PRKN: variants seen among roughly 807,000 people sequenced by gnomAD.
PRKN encodes the protein E3 ubiquitin-protein ligase parkin.
A neutral mutation model predicts 59.5 loss-of-function variants in PRKN; 56 were observed. The ratio of observed to expected loss-of-function variants is 0.94; its 90% confidence interval spans 0.76 to 1.18. The LOEUF (loss-of-function observed/expected upper bound fraction) is 1.18, where lower values mean the gene tolerates loss of function less well. Ranked by LOEUF, PRKN falls within the 50% of genes most tolerant of loss-of-function variation. The pLI is 0.00. For synonymous variants in PRKN, 250 were observed against 222.1 expected (o/e 1.13, Z -1.12); for missense variants, 657 against 596.4 (o/e 1.10, Z -1.06).
In PRKN at chr6:161,468,306, A is replaced by T. The variant is rs1032557024; in HGVS notation, c.1083+80548T>A. 2.6e-5 allele frequency among the ~76,000 whole-genome samples: 4 copies of T among 152,154 alleles called. No individual in the cohort carries two copies. Among genetic ancestry groups the T allele is most frequent in the Non-Finnish European group, 4.4e-5 (3 of 68,028 alleles). ...TATACTTTAAAACAAAAACAAAAAAAAAACAGCCAAACCTAATCTTCAATC... is the reference window on the plus strand; with the variant it reads ...TATACTTTAAAACAAAAACAAAAAATAAACAGCCAAACCTAATCTTCAATC... On this transcript the variant is annotated intron_variant, in intron 9 of 11. Coordinates refer to ENST00000366898, the MANE Select transcript of PRKN (RefSeq NM_004562.3). This position sits in a 1 kb window ranked among gnomAD's most constrained non-coding sequence, Gnocchi z 5.9.
At chr6:162,226,100 A>T (rs1304959436) in intron 3 of PRKN, among the ~76,000 whole-genome samples, 1 of 144,562 alleles carries the variant, frequency 6.9e-6, no homozygotes, top group Non-Finnish European at 1.5e-5. Context: ...ATAATAATAA[A>T]ATTAGATCAA....
rs572696301 is a variant in PRKN, at chr6:161,976,430, G to A, written c.619-3013C>T. On this transcript the variant is annotated intron_variant, in intron 5 of 11. Coordinates refer to ENST00000366898, the MANE Select transcript of PRKN (RefSeq NM_004562.3). ...ACAGGATGTCCAGTGTGTGTGATGG[G>A]CCCAGGCTCAGGCATGCCTGTGGAG... 1.2e-4 allele frequency among the ~76,000 whole-genome samples: 19 copies of A among 152,300 alleles called. No individual in the cohort carries two copies. In the South Asian group the frequency reaches 3.5e-3, roughly 28 times the overall value.
At chr6:161,656,213 C>T (rs539047756) in intron 7 of PRKN, among the ~76,000 whole-genome samples, 34 of 152,200 alleles carry the variant, frequency 2.2e-4, no homozygotes, top group African/African-American at 7.7e-4. Flanking sequence ...CAGCGATGGG[C>T]GTGCAGACTG....
At chr6:161,780,959 T>C (rs1442258343) in intron 7 of PRKN, among the ~76,000 whole-genome samples, 3 of 152,196 alleles carry the variant, frequency 2.0e-5, no homozygotes, top group East Asian at 1.9e-4. Context: ...AAATAACACA[T>C]GCTAAACAAT....
intron 2 of PRKN, among the ~76,000 whole-genome samples, chr6:162,333,490 G>A (rs1474771922): frequency 6.6e-6 from 1 of 152,032 alleles, no homozygotes; most frequent in African/African-American, 2.4e-5. Flanking sequence ...CATTATATCT[G>A]TTATTGTGAT....
chr6:161,899,618 G>C (rs1449943068), intron 6 of PRKN, among the ~76,000 whole-genome samples: 1 of 152,100 alleles, frequency 6.6e-6, no homozygotes, highest in African/African-American at 2.4e-5. Context: ...CCCACTGCCT[G>C]GCTCTTCTCT....
At position 161,560,606 on chromosome 6, in the gene PRKN, T is replaced by A. The variant is rs1780423147; in HGVS notation, c.933+8749A>T. ...CTATTCTTTCTGTTTTACCTTCTCA[T>A]CCTGCTGACCTTTTTCTCATCCTTC... On this transcript the variant is annotated intron_variant, in intron 8 of 11. Transcript: ENST00000366898. The surrounding 1 kb of genome is among the most constrained non-coding windows in gnomAD (Gnocchi z 4.9). Among the ~76,000 whole-genome samples the A allele has an allele frequency of 6.6e-6, 1 of 152,220 alleles. No homozygotes were observed. Among genetic ancestry groups the A allele is most frequent in the Non-Finnish European group, 1.5e-5 (1 of 68,040 alleles).
intron 2 of PRKN, among the ~76,000 whole-genome samples, chr6:162,265,937 T>A (rs1780111059): frequency 6.6e-6 from 1 of 152,218 alleles, no homozygotes; most frequent in African/African-American, 2.4e-5. Context: ...TCCATTCTAT[T>A]TGGACAAGCT....
At chr6:161,890,990 C>T (rs1795321725) in intron 6 of PRKN, among the ~76,000 whole-genome samples, 1 of 152,156 alleles carries the variant, frequency 6.6e-6, no homozygotes, top group African/African-American at 2.4e-5. Context: ...TTTCTCAATC[C>T]ATTCTCAAGA....
intron 7 of PRKN, among the ~76,000 whole-genome samples, chr6:161,699,701 A>G (rs749300639): frequency 2.6e-5 from 4 of 152,166 alleles, no homozygotes; most frequent in Non-Finnish European, 5.9e-5. Context: ...GTGGTTGCCT[A>G]TGGATGGGGA....
At chr6:162,079,986 G>T (rs1280071074) in intron 4 of PRKN, among the ~76,000 whole-genome samples, 1 of 152,028 alleles carries the variant, frequency 6.6e-6, no homozygotes, top group East Asian at 1.9e-4. Context: ...TAAGGTCCAG[G>T]TTGACACATT....
At chr6:161,404,573 T>C (rs1787181339) in intron 9 of PRKN, among the ~76,000 whole-genome samples, 1 of 152,204 alleles carries the variant, frequency 6.6e-6, no homozygotes, top group South Asian at 2.1e-4. Flanking sequence ...CTGCAAAATT[T>C]AGTTAAGATT....
At chr6:161,978,368 C>T (rs1781133647) in intron 5 of PRKN, among the ~76,000 whole-genome samples, 1 of 152,172 alleles carries the variant, frequency 6.6e-6, no homozygotes. Context: ...CATTTCTGCT[C>T]CTGTACAATC....
rs1212090874 is a variant in PRKN at position 161,573,781 on chromosome 6, TATATATATATATATAA to T, written c.872-4381_872-4366del. 1.2e-3 allele frequency among the ~76,000 whole-genome samples: 110 copies of T among 93,776 alleles called. 2 individuals are homozygous for T. The highest frequency in any genetic ancestry group is 3.8e-3 in the African/African-American group (91 of 23,720). The allele number at this position is 93,776 out of a possible 152,430, so 61.5% of individuals were successfully genotyped here. A position where few individuals can be genotyped will look rare whatever the true frequency, so the allele number is the denominator to read the frequency against. ...ATATATATATATATATATATATATATATATATATATATATAAAACTTCATTCAACCTTGGGTGTTTT... is the reference window on the plus strand; with the variant it reads ...ATATATATATATATATATATATATATAACTTCATTCAACCTTGGGTGTTTT... On this transcript the variant is annotated intron_variant, in intron 7 of 11. Transcript: ENST00000366898.
intron 6 of PRKN, among the ~76,000 whole-genome samples, chr6:161,875,057 GTATA>G (rs1228219191): frequency 1.8e-5 from 2 of 109,390 alleles, no homozygotes; most frequent in African/African-American, 8.1e-5. Flanking sequence ...TATATATAAA[GTATA>G]TACATTATAT....
intron 2 of PRKN, among the ~76,000 whole-genome samples, chr6:162,380,688 G>A (rs1166578097): frequency 6.6e-6 from 1 of 151,498 alleles, no homozygotes; most frequent in East Asian, 1.9e-4. Context: ...TAAGCCTTGA[G>A]AAATATACTT....
chr6:162,462,603 G>A (rs563770017), intron 1 of PRKN, among the ~76,000 whole-genome samples: 2 of 152,250 alleles, frequency 1.3e-5, no homozygotes, highest in East Asian at 3.9e-4. Flanking sequence ...GGGCTAATGT[G>A]TATCTTGCCT....
intron 1 of PRKN, among the ~76,000 whole-genome samples, chr6:162,592,335 T>A (rs930206072): frequency 1.3e-5 from 2 of 152,208 alleles, no homozygotes; most frequent in African/African-American, 4.8e-5. Flanking sequence ...GGTAGGCTAT[T>A]TATAATCCAA....
At chr6:161,714,707 C>T (rs540363469) in intron 7 of PRKN, among the ~76,000 whole-genome samples, 10 of 152,308 alleles carry the variant, frequency 6.6e-5, no homozygotes, top group South Asian at 4.2e-4. Flanking sequence ...TTCTCATTTA[C>T]TTTCACACTT....
Sources: allele counts gnomAD v4.1 joint callset (sites outside exome capture counted in the v4.1 genomes callset), GRCh38; gene constraint gnomAD v4.1.1; non-coding constraint Gnocchi (gnomAD v3.1); transcripts MANE v1.5; gene names NCBI Gene and HGNC (gene_info 2026-07-23, HGNC 2026-07-21).